Variants in KANSL1 observed in about 807,000 individuals in gnomAD.
The protein encoded by KANSL1 is KAT8 regulatory NSL complex subunit 1.
Under a neutral mutation model 103.6 loss-of-function variants are expected in KANSL1, and 22 were observed. The observed-to-expected ratio is 0.21, with a 90% CI of 0.15 to 0.30. The LOEUF is 0.30. KANSL1 is among the 10% of genes least tolerant of loss of function. KANSL1 has a pLI of 1.00. For synonymous variants in KANSL1, 600 were observed against 527.6 expected, an observed-to-expected ratio of 1.14 and a Z score of -1.88; for missense variants, 1,337 against 1,399.8, an observed-to-expected ratio of 0.96 and a Z score of 0.72.
At chr17:46,175,377 T>A (rs190404228) in intron 1 of KANSL1, among the ~76,000 whole-genome samples, 1 of 151,724 alleles carries the variant, frequency 6.6e-6, no homozygotes, top group African/African-American at 2.4e-5. Context: ...TGAGATGTAG[T>A]CTCGCTCTGT....
chr17:46,050,498 T>C (rs762603298), intron 7 of KANSL1, 35 bp downstream of exon 7: 15 of 1,598,228 alleles, frequency 9.4e-6, no homozygotes, highest in Middle Eastern at 1.7e-4. Flanking sequence ...CTCAAGTTTC[T>C]TTCATTAGAC....
intron 2 of KANSL1, among the ~76,000 whole-genome samples, chr17:46,119,633 C>G (rs1228727526): frequency 6.6e-6 from 1 of 152,068 alleles, no homozygotes; most frequent in Non-Finnish European, 1.5e-5. Context: ...AACCACTACA[C>G]TTCATCTAAA....
At chr17:46,048,549 A>G (rs2077595116) in intron 7 of KANSL1, among the ~76,000 whole-genome samples, 1 of 152,132 alleles carries the variant, frequency 6.6e-6, no homozygotes, top group African/African-American at 2.4e-5. Context: ...CCTGGGCAAC[A>G]AAAGCGAGAC....
intron 1 of KANSL1, among the ~76,000 whole-genome samples, chr17:46,200,066 C>CAT (rs201474670): frequency 1.3e-5 from 2 of 150,606 alleles, no homozygotes; most frequent in African/African-American, 4.9e-5. Flanking sequence ...CACACACACA[C>CAT]CCTGATTATT....
At chr17:46,209,173 A>AC (rs558201284) in intron 1 of KANSL1, among the ~76,000 whole-genome samples, 257 of 152,252 alleles carry the variant, frequency 1.7e-3, no homozygotes, top group African/African-American at 5.8e-3. Flanking sequence ...GACAAGAGCA[A>AC]AACTCCATCT....
At chr17:46,113,314 T>C (rs1236797312) in intron 2 of KANSL1, among the ~76,000 whole-genome samples, 1 of 152,244 alleles carries the variant, frequency 6.6e-6, no homozygotes, top group Non-Finnish European at 1.5e-5. Flanking sequence ...CCCACGTGTT[T>C]GCAGGTTCTT....
At chr17:46,087,394 A>G (rs529479435) in intron 3 of KANSL1, among the ~76,000 whole-genome samples, 1 of 152,318 alleles carries the variant, frequency 6.6e-6, no homozygotes, top group African/African-American at 2.4e-5. Context: ...AAAAGGATGA[A>G]AACAGCTAAA....
intron 2 of KANSL1, among the ~76,000 whole-genome samples, chr17:46,166,924 A>G (rs2046030316): frequency 6.6e-6 from 1 of 152,158 alleles, no homozygotes; most frequent in Non-Finnish European, 1.5e-5. Flanking sequence ...TATCCTCAAC[A>G]ATATTTCAGT....
upstream of KANSL1, chr17:46,196,537 C>T (rs1319249023): frequency 1.9e-5 from 8 of 427,706 alleles, no homozygotes; most frequent in Admixed American, 8.2e-5. Context: ...AAGATGCCAC[C>T]AACATCAAAG....
At chr17:46,136,678 T>C (rs1051971570) in intron 2 of KANSL1, among the ~76,000 whole-genome samples, 4 of 152,100 alleles carry the variant, frequency 2.6e-5, no homozygotes, top group African/African-American at 4.8e-5. Flanking sequence ...TCCATGAAGA[T>C]TCAGGAAAAA....
upstream of KANSL1, chr17:46,224,850 T>G (rs1478524965): frequency 6.6e-6 from 1 of 150,614 alleles, no homozygotes; most frequent in Non-Finnish European, 1.5e-5. Context: ...CCATTCCCAT[T>G]GTTAGGGAGG....
chr17:46,054,859 T>C (rs114975151), intron 6 of KANSL1, among the ~76,000 whole-genome samples: 1,573 of 151,720 alleles, frequency 0.01, 26 homozygotes, highest in African/African-American at 0.034. Flanking sequence ...AAGTAACTTT[T>C]TTTTTTTTTT....
chr17:46,209,017 A>C (rs76572166), intron 1 of KANSL1, among the ~76,000 whole-genome samples: 10 of 151,056 alleles, frequency 6.6e-5, no homozygotes, highest in Non-Finnish European at 1.0e-4. Context: ...CTAAAAAAAA[A>C]CCAAAAACTA....
intron 3 of KANSL1, among the ~76,000 whole-genome samples, chr17:46,091,853 G>A (rs2079404694): frequency 6.6e-6 from 1 of 152,046 alleles, no homozygotes; most frequent in South Asian, 2.1e-4. Context: ...GACTCGCTCT[G>A]CTTTGCCCAG....
At chr17:46,069,206 G>A (rs2078489093) in intron 4 of KANSL1, among the ~76,000 whole-genome samples, 1 of 152,082 alleles carries the variant, frequency 6.6e-6, no homozygotes, top group Non-Finnish European at 1.5e-5. Context: ...GATTATAGGC[G>A]TGTGAGCCAC....
chr17:46,225,077 G>C (rs184628922), upstream of KANSL1, among the ~76,000 whole-genome samples: 2,136 of 151,580 alleles, frequency 0.014, 52 homozygotes, highest in African/African-American at 0.046. Context: ...GCCGGCAGCC[G>C]GCGTCCCAGG....
intron 1 of KANSL1, among the ~76,000 whole-genome samples, chr17:46,188,099 T>G (rs994494473): frequency 2.0e-5 from 3 of 152,246 alleles, no homozygotes; most frequent in African/African-American, 7.2e-5. Context: ...CAAATAATAA[T>G]AGTTACCCCC....
chr17:46,056,760 G>A (rs1003032312), intron 6 of KANSL1, among the ~76,000 whole-genome samples: 2 of 152,200 alleles, frequency 1.3e-5, no homozygotes, highest in African/African-American at 4.8e-5. Context: ...GTGTAGGAAA[G>A]ATCAAATGAC....
At chr17:46,136,672 T>C (rs1288440598) in intron 2 of KANSL1, among the ~76,000 whole-genome samples, 1 of 152,152 alleles carries the variant, frequency 6.6e-6, no homozygotes, top group Non-Finnish European at 1.5e-5. Flanking sequence ...AAAAGTTCCA[T>C]GAAGATTCAG....
Sources: gnomAD v4.1 joint callset for allele counts (sites outside exome capture counted in the v4.1 genomes callset) on GRCh38, gnomAD v4.1.1 for gene constraint, MANE v1.5 for transcripts, NCBI Gene and HGNC (gene_info 2026-07-23, HGNC 2026-07-21) for gene names.